Variants in LDB2 observed in about 807,000 individuals in gnomAD.
LDB2 encodes LIM domain-binding protein 2.
In LDB2, 12 loss-of-function variants were observed where a neutral mutation model predicts 44.3. That is an observed-to-expected ratio of 0.27 (90% CI 0.17 to 0.44). The LOEUF (loss-of-function observed/expected upper bound fraction) is 0.44. Ranked by LOEUF, LDB2 falls within the 20% of genes least tolerant of loss-of-function variation. LDB2 has a pLI of 1.00. For missense variants in LDB2, 344 were observed against 473.5 expected (o/e 0.73, Z 2.54); for synonymous variants, 164 against 174.8 (o/e 0.94, Z 0.49).
intron 1 of LDB2, among the ~76,000 whole-genome samples, chr4:16,764,048 G>T (rs999634392): frequency 4.6e-5 from 7 of 152,038 alleles, no homozygotes; most frequent in Non-Finnish European, 8.8e-5. Context: ...CTCAATAAAG[G>T]TTAGAAAGCA....
intron 1 of LDB2, among the ~76,000 whole-genome samples, chr4:16,891,842 T>G (rs1580540100): frequency 6.6e-6 from 1 of 152,286 alleles, no homozygotes; most frequent in African/African-American, 2.4e-5. Flanking sequence ...CATTAAAAAT[T>G]TCTATAGGTA....
chr4:16,708,562 A>G (rs751293622), intron 2 of LDB2, among the ~76,000 whole-genome samples: 3 of 152,130 alleles, frequency 2.0e-5, no homozygotes, highest in Non-Finnish European at 4.4e-5. Flanking sequence ...ACGGCCTGAG[A>G]GAAACTTCTT....
intron 1 of LDB2, among the ~76,000 whole-genome samples, chr4:16,793,860 T>C (rs1457225686): frequency 6.6e-6 from 1 of 152,194 alleles, no homozygotes; most frequent in Non-Finnish European, 1.5e-5. Flanking sequence ...AGGCAGGCTC[T>C]ATCCCCATTT....
At chr4:16,575,416 G>A (rs1408850596) in intron 5 of LDB2, among the ~76,000 whole-genome samples, 8 of 152,152 alleles carry the variant, frequency 5.3e-5, no homozygotes. Context: ...GAGTCAGTAA[G>A]GAAACATTGA....
At chr4:16,552,136 C>A (rs1168850713) in intron 5 of LDB2, among the ~76,000 whole-genome samples, 2 of 151,952 alleles carry the variant, frequency 1.3e-5, no homozygotes, top group Admixed American at 6.6e-5. Flanking sequence ...ATTTTGTGTA[C>A]CTGTTTTAGT....
At chr4:16,742,308 G>A (rs1306340849) in intron 2 of LDB2, among the ~76,000 whole-genome samples, 4 of 152,024 alleles carry the variant, frequency 2.6e-5, no homozygotes, top group Non-Finnish European at 5.9e-5. Flanking sequence ...CTGACCTTGT[G>A]ATCCGCCCAC....
At chr4:16,666,731 T>A (rs1743347473) in intron 2 of LDB2, among the ~76,000 whole-genome samples, 1 of 152,148 alleles carries the variant, frequency 6.6e-6, no homozygotes, top group Non-Finnish European at 1.5e-5. Context: ...ATCTAAAAAA[T>A]GAAGAGAATC....
chr4:16,557,070 G>C (rs1047481287), intron 5 of LDB2, among the ~76,000 whole-genome samples: 3 of 152,172 alleles, frequency 2.0e-5, no homozygotes, highest in Non-Finnish European at 4.4e-5. Context: ...TTCATAAGAA[G>C]ATAGATCTCG....
At chr4:16,516,571 C>T (rs1253215030) in intron 5 of LDB2, among the ~76,000 whole-genome samples, 1 of 152,146 alleles carries the variant, frequency 6.6e-6, no homozygotes, top group African/African-American at 2.4e-5. Context: ...AAGTATTTTT[C>T]ATTGTACGAC....
Position 16,625,031 on chromosome 4 carries a change from G to A in LDB2, c.236-29156C>T, listed in dbSNP as rs117722292. ...GGCTCCCCATTGTGCTCAAGATGAG[G>A]TCGGGACTCCTTAATGTGACTTGCA... On this transcript the variant is annotated intron_variant, in intron 2 of 7. Coordinates refer to ENST00000304523, the MANE Select transcript of LDB2 (RefSeq NM_001290.5). Among the ~76,000 whole-genome samples the A allele has an allele frequency of 9.9e-5, 15 of 152,146 alleles. No individual in the cohort carries two copies. The East Asian group carries it at 2.7e-3, about 28-fold the overall frequency.
chr4:16,575,864 G>C (rs549923156), intron 5 of LDB2, among the ~76,000 whole-genome samples: 1 of 152,294 alleles, frequency 6.6e-6, no homozygotes, highest in South Asian at 2.1e-4. Flanking sequence ...AGTCTCCCAA[G>C]TAGCTGGGAT....
intron 1 of LDB2, 117 bp from the exon 2 acceptor site, chr4:16,759,377 T>C: frequency 1.4e-6 from 1 of 715,930 alleles, no homozygotes; most frequent in Middle Eastern, 2.4e-4. Flanking sequence ...TTCGCGTATG[T>C]GTGTAGGTGT....
intron 1 of LDB2, among the ~76,000 whole-genome samples, chr4:16,829,461 G>T (rs887436904): frequency 1.3e-5 from 2 of 152,166 alleles, no homozygotes; most frequent in African/African-American, 4.8e-5. Context: ...TTAAAACCGT[G>T]TGTCTATATG....
At chr4:16,538,582 G>A (rs1732661763) in intron 5 of LDB2, among the ~76,000 whole-genome samples, 2 of 152,146 alleles carry the variant, frequency 1.3e-5, no homozygotes, top group African/African-American at 4.8e-5. Context: ...GCACCTGCTA[G>A]AGGCCACCTA....
intron 1 of LDB2, among the ~76,000 whole-genome samples, chr4:16,777,427 G>C (rs1772179568): frequency 6.6e-6 from 1 of 151,958 alleles, no homozygotes; most frequent in African/African-American, 2.4e-5. Context: ...TGCCTTTAAG[G>C]GACTGAAAGG....
chr4:16,723,433 C>T (rs1758752308), intron 2 of LDB2, among the ~76,000 whole-genome samples: 1 of 152,128 alleles, frequency 6.6e-6, no homozygotes, highest in Non-Finnish European at 1.5e-5. Context: ...ATGATAACAG[C>T]ATTAATCCAT....
intron 1 of LDB2, among the ~76,000 whole-genome samples, chr4:16,888,273 C>A (rs531928951): frequency 6.6e-6 from 1 of 152,196 alleles, no homozygotes; most frequent in African/African-American, 2.4e-5. Flanking sequence ...GAAAGGGAAC[C>A]TTTTAATGTT....
chr4:16,707,923 T>C lies in LDB2; in HGVS notation c.235+51235A>G, dbSNP rs563250910. On this transcript the variant is annotated intron_variant, in intron 2 of 7. Transcript: ENST00000304523. ...CTCACAGCTGGGAAGCAAGGAGCTC[T>C]ACATGCAAACTTAGATAATACAGAA... is the stretch of plus-strand genomic sequence containing the variant. Among the ~76,000 whole-genome samples, 4 of 152,340 alleles carry C rather than the reference T, an allele frequency of 2.6e-5. No individual in the cohort carries two copies. In the East Asian group the frequency reaches 5.8e-4, roughly 22 times the overall value.
chr4:16,588,937 G>C, intron 3 of LDB2, 105 bp from the exon 4 acceptor site: 2 of 1,186,146 alleles, frequency 1.7e-6, no homozygotes, highest in Non-Finnish European at 2.4e-6. Context: ...TCCTTGGGCA[G>C]TGCTAGCTCT....
Sources: gnomAD v4.1 joint callset for allele counts (sites outside exome capture counted in the v4.1 genomes callset) on GRCh38, gnomAD v4.1.1 for gene constraint, MANE v1.5 for transcripts, NCBI Gene and HGNC (gene_info 2026-07-23, HGNC 2026-07-21) for gene names.